ANK2: variants seen among roughly 807,000 people sequenced by gnomAD.
The protein encoded by ANK2 is ankyrin 2.
ANK2 carries 83 observed loss-of-function variants against 360.5 expected under a neutral mutation model. The observed-to-expected ratio is 0.23, with a 90% CI of 0.19 to 0.28. The LOEUF (loss-of-function observed/expected upper bound fraction) is 0.28, where lower values mean the gene tolerates loss of function less well. Among genes scored for constraint, ANK2 ranks in the 10% least tolerant of loss-of-function variants. ANK2 has a pLI of 1.00. For missense variants in ANK2, 4,201 were observed against 4,795.7 expected, an observed-to-expected ratio of 0.88 and a Z score of 3.66; for synonymous variants, 1,740 against 1,759.5, an observed-to-expected ratio of 0.99 and a Z score of 0.28.
intron 22 of ANK2, among the ~76,000 whole-genome samples, chr4:113,295,427 A>G (rs2070718881): frequency 6.6e-6 from 1 of 152,188 alleles, no homozygotes; most frequent in Non-Finnish European, 1.5e-5. Context: ...TAAAAAGAAG[A>G]GCAAATAAGC....
At chr4:113,180,003 T>C (rs2098358377) in intron 2 of ANK2, among the ~76,000 whole-genome samples, 1 of 152,256 alleles carries the variant, frequency 6.6e-6, no homozygotes, top group Non-Finnish European at 1.5e-5. Context: ...CTTTTACCAT[T>C]GGAGTTTAAA....
At chr4:113,335,698 C>T in intron 29 of ANK2, 148 bp from the exon 30 acceptor site, 2 of 835,726 alleles carry the variant, frequency 2.4e-6, no homozygotes. Context: ...TTAGGATAGC[C>T]TTGCTTTTTA....
chr4:112,879,561 T>C (rs555071424), intron 1 of ANK2, among the ~76,000 whole-genome samples: 1 of 152,254 alleles, frequency 6.6e-6, no homozygotes, highest in East Asian at 1.9e-4. Flanking sequence ...ACAGAAACCG[T>C]GAAATAATAA....
At chr4:113,104,770 G>T (rs2093412425) in intron 1 of ANK2, among the ~76,000 whole-genome samples, 1 of 151,928 alleles carries the variant, frequency 6.6e-6, no homozygotes, top group Non-Finnish European at 1.5e-5. Flanking sequence ...GTATAACTGG[G>T]AAAAAACTGA....
intron 1 of ANK2, among the ~76,000 whole-genome samples, chr4:113,062,874 C>A (rs313976): frequency 0.79 from 120,334 of 151,948 alleles, 47,906 homozygotes; most frequent in East Asian, 0.86. Context: ...TAATATTTTG[C>A]CTTTTCTGTC....
chr4:113,261,672 A>T (rs2052995295), intron 13 of ANK2, among the ~76,000 whole-genome samples: 2 of 152,236 alleles, frequency 1.3e-5, no homozygotes, highest in South Asian at 4.1e-4. Flanking sequence ...AAACAAGACC[A>T]TTATTATAAA....
At position 113,356,311 on chromosome 4, in the gene ANK2, A is replaced by G. The variant is rs1166587029; in HGVS notation, c.7693A>G (p.Ile2565Val). Residue 2565 changes from isoleucine to valine, a missense_variant, in exon 38 of 46, where the codon ATT (isoleucine) becomes GTT (valine). Coordinates refer to ENST00000357077, the MANE Select transcript of ANK2 (RefSeq NM_001148.6). Reference protein sequence around the residue: ...TDVSTPKPAVIHECAEEDDSE... With the variant: ...TDVSTPKPAVVHECAEEDDSE... ...TGTAAGTACACCAAAACCAGCTGTG[A>G]TTCATGAATGTGCAGAGGAGGATGA... is the stretch of plus-strand genomic sequence containing the variant. 6.2e-7 allele frequency: 1 copy of G among 1,614,184 alleles called. No individual in the cohort carries two copies.
intron 1 of ANK2, among the ~76,000 whole-genome samples, chr4:113,169,787 C>T (rs2097880557): frequency 6.6e-6 from 1 of 152,054 alleles, no homozygotes. Context: ...CATAAAACTT[C>T]TTAAATTCTT....
intron 1 of ANK2, chr4:112,882,295 G>C (rs1452478182): frequency 6.6e-6 from 1 of 152,544 alleles, no homozygotes; most frequent in Non-Finnish European, 1.5e-5. Flanking sequence ...TACAAAAGGA[G>C]GAAAATTAAG....
At chr4:113,292,705 G>A (rs1279729926) in intron 21 of ANK2, among the ~76,000 whole-genome samples, 191 bp downstream of exon 21, 2 of 152,152 alleles carry the variant, frequency 1.3e-5, no homozygotes, top group Non-Finnish European at 2.9e-5. Flanking sequence ...CTTGCCCTGG[G>A]AGGGAAAGCA....
At chr4:113,180,065 C>G (rs896189459) in intron 2 of ANK2, among the ~76,000 whole-genome samples, 1 of 152,228 alleles carries the variant, frequency 6.6e-6, no homozygotes, top group Non-Finnish European at 1.5e-5. Flanking sequence ...AAACAGAAGG[C>G]AAGGTCGAAG....
intron 2 of ANK2, among the ~76,000 whole-genome samples, chr4:112,985,890 G>T (rs2044681401): frequency 6.6e-6 from 1 of 151,810 alleles, no homozygotes; most frequent in Non-Finnish European, 1.5e-5. Context: ...AGTGTACACT[G>T]CTCAGGTGAT....
At chr4:113,087,622 A>G (rs539480488) in intron 1 of ANK2, among the ~76,000 whole-genome samples, 53 of 152,072 alleles carry the variant, frequency 3.5e-4, no homozygotes, top group Non-Finnish European at 1.9e-4. Context: ...ACCAGAAAGA[A>G]TTTTCAATGA....
At chr4:113,114,811 T>C (rs1403923669) in intron 1 of ANK2, among the ~76,000 whole-genome samples, 1 of 152,146 alleles carries the variant, frequency 6.6e-6, no homozygotes, top group Non-Finnish European at 1.5e-5. Flanking sequence ...GATATTTTGA[T>C]AGTGTATCAG....
intron 4 of ANK2, among the ~76,000 whole-genome samples, chr4:113,212,560 A>G (rs1189052981): frequency 1.3e-5 from 2 of 152,210 alleles, no homozygotes; most frequent in Non-Finnish European, 2.9e-5. Flanking sequence ...ATGGATAAGA[A>G]CGCAAATTCT....
chr4:113,359,263 C>T lies in ANK2; in HGVS notation c.10645C>T (p.Arg3549Cys), dbSNP rs1056477885. Residue 3549 changes from arginine to cysteine, a missense_variant, in exon 38 of 46, where the codon CGC (arginine) becomes TGC (cysteine). Arg to Cys is a radical substitution (Grantham distance 180). Coordinates refer to ENST00000357077, the MANE Select transcript of ANK2 (RefSeq NM_001148.6). ...TGAGTCTATTGAGACTCTGATTGAA[C>T]GCATCCCTGATGAAAATGGCCATGA... ...WDESIETLIE[R>C]IPDENGHDHA... The T allele has an allele frequency of 5.0e-6, 8 of 1,613,798 alleles. No individual in the cohort carries two copies. Among genetic ancestry groups the T allele is most frequent in the African/African-American group, 1.3e-5 (1 of 74,914 alleles).
intron 1 of ANK2, among the ~76,000 whole-genome samples, chr4:112,830,162 G>T (rs2059409082): frequency 6.6e-6 from 1 of 151,976 alleles, no homozygotes; most frequent in Non-Finnish European, 1.5e-5. Context: ...TATAACAAAA[G>T]AAACATAAAT....
chr4:113,343,400 G>A (rs924803564), intron 34 of ANK2, among the ~76,000 whole-genome samples: 7 of 152,030 alleles, frequency 4.6e-5, no homozygotes, highest in African/African-American at 1.7e-4. Context: ...CACAGTGACC[G>A]GTATTTTCCA....
At chr4:112,723,838 G>A in the ANK2 span, among the ~76,000 whole-genome samples, 6 of 152,008 alleles carry the variant, frequency 3.9e-5, no homozygotes, top group South Asian at 2.1e-4. Context: ...GACAACTAAT[G>A]AGAATGTGCT....
Sources: allele counts gnomAD v4.1 joint callset (sites outside exome capture counted in the v4.1 genomes callset), GRCh38; gene constraint gnomAD v4.1.1; transcripts MANE v1.5; gene names NCBI Gene and HGNC (gene_info 2026-07-23, HGNC 2026-07-21).